The following ATP8A1 variants were observed in gnomAD, a reference collection of about 807,000 sequenced individuals.
The protein encoded by ATP8A1 is ATPase phospholipid transporting 8A1, also known as phospholipid-transporting ATPase IA.
Under a neutral mutation model 177.7 loss-of-function variants are expected in ATP8A1, and 90 were observed. That is an observed-to-expected ratio of 0.51 (90% CI 0.43 to 0.60). ATP8A1 has a LOEUF of 0.60. Among genes scored for constraint, ATP8A1 ranks in the 20% least tolerant of loss-of-function variants. The pLI, the probability that ATP8A1 is intolerant of heterozygous loss-of-function variation, is 0.00. For synonymous variants in ATP8A1, 493 were observed against 485.9 expected (o/e 1.01, Z -0.19); for missense variants, 1,072 against 1,392.8 (o/e 0.77, Z 3.67).
chr4:42,416,507 C>T (rs1713258466), intron 35 of ATP8A1, among the ~76,000 whole-genome samples: 1 of 152,110 alleles, frequency 6.6e-6, no homozygotes, highest in South Asian at 2.1e-4. Context: ...TTGTACAGTT[C>T]ATATAAAGGC....
chr4:42,499,889 A>T (rs1168538773), intron 24 of ATP8A1, among the ~76,000 whole-genome samples: 7 of 152,250 alleles, frequency 4.6e-5, no homozygotes, highest in African/African-American at 1.7e-4. Context: ...TAACAGACAG[A>T]CTTTAAAAAA....
chr4:42,543,194 G>C (rs1728580721), intron 20 of ATP8A1, among the ~76,000 whole-genome samples: 1 of 152,116 alleles, frequency 6.6e-6, no homozygotes, highest in Admixed American at 6.5e-5. Flanking sequence ...TAATAGGCTT[G>C]AGCTTCTTAA....
chr4:42,419,324 A>C (rs1033982240), intron 35 of ATP8A1, among the ~76,000 whole-genome samples: 1 of 152,218 alleles, frequency 6.6e-6, no homozygotes, highest in African/African-American at 2.4e-5. Flanking sequence ...GCTATGACTA[A>C]GACATGGGCC....
chr4:42,644,322 T>C (rs764734711), intron 1 of ATP8A1, among the ~76,000 whole-genome samples: 6 of 152,150 alleles, frequency 3.9e-5, no homozygotes, highest in Non-Finnish European at 8.8e-5. Flanking sequence ...TTGTATTCAC[T>C]TGGAAGTCAA....
In ATP8A1 at chr4:42,414,712, G is replaced by C; in HGVS notation, c.3312C>G (p.Thr1104=). The C allele has an allele frequency of 6.2e-7, 1 of 1,613,614 alleles. No individual in the cohort carries two copies. Among genetic ancestry groups the C allele is most frequent in the Non-Finnish European group, 8.5e-7 (1 of 1,179,666 alleles). The change falls in exon 36 of 37, where the codon ACC becomes ACG. Residue 1104 remains threonine (T), a synonymous_variant. Coordinates refer to ENST00000381668, the MANE Select transcript of ATP8A1 (RefSeq NM_006095.2). ...PGAVVLGKSL[T]ERAQLLKNVF... The stretch of plus-strand genomic sequence containing the variant: ...CGTTCTTGAGCAGTTGCGCCCTCTC[G>C]GTCAGGCTGCAGAGCAGGTGCAAAT...
chr4:42,635,782 C>CACACACATATATATATATATAT (rs1553920597), intron 1 of ATP8A1, among the ~76,000 whole-genome samples: 1 of 51,992 alleles, frequency 1.9e-5, no homozygotes, highest in African/African-American at 6.2e-5. Context: ...CACACACACA[C>CACACACATATATATATATATAT]ATATATATAT....
chr4:42,630,270 T>C (rs546004600), intron 1 of ATP8A1, among the ~76,000 whole-genome samples: 1 of 152,212 alleles, frequency 6.6e-6, no homozygotes, highest in Non-Finnish European at 1.5e-5. Flanking sequence ...TTCCTTCTTA[T>C]ACATGGAGTT....
chr4:42,433,503 G>A (rs751415514), intron 33 of ATP8A1, among the ~76,000 whole-genome samples: 20 of 152,088 alleles, frequency 1.3e-4, no homozygotes, highest in African/African-American at 2.4e-4. Context: ...CTTTCTCCAC[G>A]AAACTAGACA....
chr4:42,454,661 GGT>G (rs142603417), intron 29 of ATP8A1, among the ~76,000 whole-genome samples: 12 of 151,252 alleles, frequency 7.9e-5, no homozygotes, highest in Non-Finnish European at 1.3e-4. Context: ...TAGAAAATGA[GGT>G]GTGTGTGTGT....
chr4:42,454,947 C>A (rs900696820), intron 29 of ATP8A1, among the ~76,000 whole-genome samples: 2 of 152,120 alleles, frequency 1.3e-5, no homozygotes, highest in Admixed American at 1.3e-4. Flanking sequence ...GATGACTAAC[C>A]CCTGTGAGGA....
intron 5 of ATP8A1, among the ~76,000 whole-genome samples, chr4:42,602,112 T>TA (rs527355024): frequency 7.2e-5 from 11 of 152,144 alleles, no homozygotes; most frequent in Non-Finnish European, 1.5e-4. Flanking sequence ...TTCATTAATT[T>TA]AAAAAAATAA....
intron 25 of ATP8A1, among the ~76,000 whole-genome samples, chr4:42,471,384 CA>C (rs1255784493): frequency 6.6e-6 from 1 of 151,958 alleles, no homozygotes; most frequent in African/African-American, 2.4e-5. Flanking sequence ...TTCCATAGGA[CA>C]AAAAAGGAAA....
chr4:42,607,515 C>T (rs1735913900), intron 5 of ATP8A1, among the ~76,000 whole-genome samples: 1 of 152,138 alleles, frequency 6.6e-6, no homozygotes, highest in African/African-American at 2.4e-5. Flanking sequence ...AATCATCAAC[C>T]TCCTCTGACC....
At chr4:42,512,816 G>A (rs756712808) in intron 22 of ATP8A1, among the ~76,000 whole-genome samples, 9 of 152,188 alleles carry the variant, frequency 5.9e-5, no homozygotes, top group Admixed American at 3.9e-4. Context: ...CTGGAAATGT[G>A]CAGTGGTTGC....
chr4:42,472,900 G>T (rs1465500124), intron 25 of ATP8A1, among the ~76,000 whole-genome samples: 1 of 151,982 alleles, frequency 6.6e-6, no homozygotes, highest in African/African-American at 2.4e-5. Flanking sequence ...AAACACAGAG[G>T]GCCCCAAATA....
intron 25 of ATP8A1, among the ~76,000 whole-genome samples, chr4:42,474,916 A>G (rs1720881090): frequency 6.6e-6 from 1 of 152,154 alleles, no homozygotes; most frequent in Non-Finnish European, 1.5e-5. Flanking sequence ...AAAAAAAAAG[A>G]AACAAAATCA....
chr4:42,419,595 T>C (rs937351821), intron 35 of ATP8A1, among the ~76,000 whole-genome samples: 8 of 152,152 alleles, frequency 5.3e-5, no homozygotes, highest in Non-Finnish European at 8.8e-5. Flanking sequence ...GAACAGCAAA[T>C]GCAAAGACTG....
chr4:42,470,373 T>C (rs976687313), intron 25 of ATP8A1, among the ~76,000 whole-genome samples: 7 of 152,230 alleles, frequency 4.6e-5, no homozygotes, highest in Non-Finnish European at 8.8e-5. Flanking sequence ...CTAAGAAGTA[T>C]ATAGGTGGTC....
chr4:42,654,996 G>T (rs1468688761), intron 1 of ATP8A1, among the ~76,000 whole-genome samples: 2 of 152,230 alleles, frequency 1.3e-5, no homozygotes, highest in Non-Finnish European at 1.5e-5. Flanking sequence ...CTTCACCACA[G>T]TCCCAAGCAC....
Sources: allele counts gnomAD v4.1 joint callset (sites outside exome capture counted in the v4.1 genomes callset), GRCh38; gene constraint gnomAD v4.1.1; transcripts MANE v1.5; gene names NCBI Gene and HGNC (gene_info 2026-07-23, HGNC 2026-07-21).